MAGI1: variants seen among roughly 807,000 people sequenced by gnomAD.
MAGI1 encodes membrane-associated guanylate kinase, WW and PDZ domain-containing protein 1.
Under a neutral mutation model 139.9 loss-of-function variants are expected in MAGI1, and 58 were observed. The ratio of observed to expected loss-of-function variants is 0.41; its 90% CI spans 0.34 to 0.52. MAGI1 has a LOEUF of 0.52. Among genes scored for constraint, MAGI1 ranks in the 20% least tolerant of loss-of-function variants. MAGI1 has a pLI of 0.12. For synonymous variants in MAGI1, 812 were observed against 737.9 expected (o/e 1.10, Z -1.63); for missense variants, 1,874 against 1,901.6 (o/e 0.99, Z 0.27).
chr3:65,604,158 A>T (rs980616575), intron 2 of MAGI1, among the ~76,000 whole-genome samples: 3 of 152,166 alleles, frequency 2.0e-5, no homozygotes, highest in African/African-American at 7.2e-5. Flanking sequence ...TACGGCATTA[A>T]ATATGCACAT....
intron 2 of MAGI1, among the ~76,000 whole-genome samples, chr3:65,583,560 T>G (rs2081537774): frequency 6.6e-6 from 1 of 151,232 alleles, no homozygotes; most frequent in Non-Finnish European, 1.5e-5. Flanking sequence ...ACTACAAGGT[T>G]TTTTTTTTAA....
chr3:65,988,409 A>T lies in MAGI1; in HGVS notation c.313+49587T>A, dbSNP rs987105073. On this transcript the variant is annotated intron_variant, in intron 1 of 22. Transcript: ENST00000402939. ...GTACAGTGGCAGATTGGGAGGGTGG[A>T]GGTCTCTCCTCAGTCACATCACTCC... Among the ~76,000 whole-genome samples the T allele has an allele frequency of 3.3e-5, 5 of 152,190 alleles. No individual in the cohort carries two copies. In the South Asian group the frequency reaches 1.0e-3, roughly 31 times the overall value.
intron 12 of MAGI1, among the ~76,000 whole-genome samples, chr3:65,419,597 A>C (rs1946497361): frequency 6.6e-6 from 1 of 152,220 alleles, no homozygotes; most frequent in South Asian, 2.1e-4. Context: ...TTTGGATGTC[A>C]AATGGGCTTT....
intron 12 of MAGI1, among the ~76,000 whole-genome samples, chr3:65,403,416 AT>A (rs1945069800): frequency 6.6e-6 from 1 of 152,168 alleles, no homozygotes; most frequent in African/African-American, 2.4e-5. Flanking sequence ...ATATGTCTTT[AT>A]TTTTTAAAAT....
chr3:65,399,952 C>T (rs1294739106), intron 13 of MAGI1, among the ~76,000 whole-genome samples: 2 of 152,214 alleles, frequency 1.3e-5, no homozygotes, highest in Non-Finnish European at 2.9e-5. Flanking sequence ...CTTGTTAAGA[C>T]TCCATTCCAT....
At chr3:65,653,484 A>G (rs139005714) in intron 1 of MAGI1, among the ~76,000 whole-genome samples, 26 of 152,330 alleles carry the variant, frequency 1.7e-4, no homozygotes, top group Non-Finnish European at 3.1e-4. Flanking sequence ...ATGACTTAAT[A>G]TAAGGTGTCA....
At chr3:65,672,582 A>G (rs1327068168) in intron 1 of MAGI1, among the ~76,000 whole-genome samples, 1 of 152,204 alleles carries the variant, frequency 6.6e-6, no homozygotes, top group Admixed American at 6.5e-5. Context: ...AGAGGGGGAA[A>G]AACATCCTTA....
At chr3:65,584,409 G>T (rs1393449040) in intron 2 of MAGI1, among the ~76,000 whole-genome samples, 1 of 152,170 alleles carries the variant, frequency 6.6e-6, no homozygotes, top group Non-Finnish European at 1.5e-5. Context: ...CCTAAAAACA[G>T]CCAAGACACA....
At chr3:65,527,856 G>A (rs990173883) in intron 2 of MAGI1, among the ~76,000 whole-genome samples, 4 of 151,462 alleles carry the variant, frequency 2.6e-5, no homozygotes, top group Admixed American at 6.6e-5. Flanking sequence ...CAGAGGTTGC[G>A]AGATCATGCC....
intron 1 of MAGI1, among the ~76,000 whole-genome samples, chr3:65,764,697 CT>C (rs1336618393): frequency 1.3e-5 from 2 of 151,450 alleles, no homozygotes; most frequent in African/African-American, 4.8e-5. Flanking sequence ...TTTTCTTTTT[CT>C]TTTTTTTTCT....
intron 13 of MAGI1, 56 bp from the exon 14 acceptor site, chr3:65,391,414 A>G: frequency 1.4e-6 from 2 of 1,453,690 alleles, no homozygotes; most frequent in Non-Finnish European, 1.9e-6. Context: ...GGTTCTCTGA[A>G]TGGGTGCTTT....
At chr3:65,976,338 T>C (rs998666476) in intron 1 of MAGI1, among the ~76,000 whole-genome samples, 5 of 152,156 alleles carry the variant, frequency 3.3e-5, no homozygotes, top group Admixed American at 1.3e-4. Flanking sequence ...ATTTAAAAGA[T>C]CTTTTTTGGG....
rs775420448 is a variant in MAGI1, at chr3:65,356,870, C to T, written c.3897G>A (p.Arg1299=). 2 of 1,614,112 alleles carry T rather than the reference C, an allele frequency of 1.2e-6. No individual in the cohort carries two copies. Among genetic ancestry groups the T allele is most frequent in the Non-Finnish European group, 1.7e-6 (2 of 1,179,964 alleles). ...GCGCGTCCCTCCGTCCCTCCGGCGC[C>T]CGGTCCTTGGGTCGGCATGCCCCGC... ...PDSGACRPKD[R]APEGRRDAQA... Residue 1299 remains arginine, a synonymous_variant, in exon 23 of 23, where the codon CGG becomes CGA. Coordinates refer to ENST00000402939, the MANE Select transcript of MAGI1 (RefSeq NM_001033057.2).
chr3:65,509,781 T>A (rs1460436966), intron 2 of MAGI1, among the ~76,000 whole-genome samples: 3 of 151,894 alleles, frequency 2.0e-5, no homozygotes, highest in Non-Finnish European at 4.4e-5. Flanking sequence ...GCTGGGAAGC[T>A]CGAACTGGGT....
At chr3:65,628,132 T>C (rs916401493) in intron 1 of MAGI1, among the ~76,000 whole-genome samples, 4 of 152,160 alleles carry the variant, frequency 2.6e-5, no homozygotes, top group Admixed American at 6.5e-5. Context: ...ATAGATATCT[T>C]TGATTTATCT....
intron 1 of MAGI1, among the ~76,000 whole-genome samples, chr3:66,017,394 G>A (rs2067710217): frequency 6.6e-6 from 1 of 152,222 alleles, no homozygotes. Context: ...TGCAAGGAAG[G>A]GTGCCTGGCC....
intron 14 of MAGI1, among the ~76,000 whole-genome samples, chr3:65,386,836 C>T (rs1195480723): frequency 6.6e-6 from 1 of 152,180 alleles, no homozygotes; most frequent in African/African-American, 2.4e-5. Flanking sequence ...TTCAATAAAG[C>T]AGTCAAAAGA....
intron 3 of MAGI1, among the ~76,000 whole-genome samples, chr3:65,488,636 C>T (rs1053898277): frequency 9.9e-5 from 15 of 151,960 alleles, no homozygotes; most frequent in East Asian, 1.9e-4. Context: ...CCACTACACC[C>T]GGCCTACTCA....
At chr3:65,778,852 C>T (rs1042130624) in intron 1 of MAGI1, among the ~76,000 whole-genome samples, 4 of 152,184 alleles carry the variant, frequency 2.6e-5, no homozygotes, top group Non-Finnish European at 5.9e-5. Context: ...CCAATATACT[C>T]CAGAGGTCCT....
Sources: allele counts gnomAD v4.1 joint callset (sites outside exome capture counted in the v4.1 genomes callset), GRCh38; gene constraint gnomAD v4.1.1; transcripts MANE v1.5; gene names NCBI Gene and HGNC (gene_info 2026-07-23, HGNC 2026-07-21).